Variants in TEK observed in about 807,000 individuals in gnomAD.
TEK encodes the protein TEK receptor tyrosine kinase.
A neutral mutation model predicts 131.8 loss-of-function variants in TEK; 43 were observed. The ratio of observed to expected loss-of-function variants is 0.33; its 90% CI spans 0.26 to 0.42. TEK has a LOEUF of 0.42. Among genes scored for constraint, TEK ranks in the 10% least tolerant of loss-of-function variants. The pLI is 1.00. For synonymous variants in TEK, 580 were observed against 491.6 expected (o/e 1.18, Z -2.38); for missense variants, 1,162 against 1,384.4 (o/e 0.84, Z 2.55).
At chr9:27,114,440 A>G (rs557400660) in intron 1 of TEK, among the ~76,000 whole-genome samples, 1 of 152,212 alleles carries the variant, frequency 6.6e-6, no homozygotes, top group African/African-American at 2.4e-5. Flanking sequence ...GCATGGTGGC[A>G]TGTGCCTGTA....
At chr9:27,137,261 A>G (rs1822495714) in intron 1 of TEK, among the ~76,000 whole-genome samples, 1 of 152,108 alleles carries the variant, frequency 6.6e-6, no homozygotes, top group Non-Finnish European at 1.5e-5. Flanking sequence ...TTTCATATGT[A>G]CCCTATGCAT....
At chr9:27,219,767 T>C (rs1017816124) in intron 20 of TEK, among the ~76,000 whole-genome samples, 2 of 45,176 alleles carry the variant, frequency 4.4e-5, no homozygotes, top group Non-Finnish European at 1.1e-4. Context: ...AAGGTTAATC[T>C]TATTGGTATA....
intron 2 of TEK, among the ~76,000 whole-genome samples, chr9:27,166,450 C>T (rs1172603069): frequency 6.6e-6 from 1 of 152,112 alleles, no homozygotes; most frequent in Admixed American, 6.5e-5. Flanking sequence ...CTTTTTGTTT[C>T]ATGAGCTTTG....
chr9:27,213,595 A>G lies in TEK; in HGVS notation c.2989A>G (p.Met997Val), dbSNP rs200011475. The G allele has an allele frequency of 1.1e-5, 18 of 1,608,678 alleles. No individual in the cohort carries two copies. Among genetic ancestry groups the G allele is most frequent in the Non-Finnish European group, 1.4e-5 (16 of 1,175,180 alleles). ...RGQEVYVKKT[M>V]GRLPVRWMAI... is the part of the protein sequence containing the mutation. Reference sequence around the variant, plus strand: ...TCAAGAGGTGTATGTGAAAAAGACAATGGTAAGTGCCAGACACAGACACTG... The same window carrying G: ...TCAAGAGGTGTATGTGAAAAAGACAGTGGTAAGTGCCAGACACAGACACTG... The change falls in exon 18 of 23, where the codon ATG becomes GTG. Residue 997 changes from methionine to valine, a missense_variant and splice_region_variant. Met to Val is a conservative substitution (Grantham distance 21). Around this residue, in one of 6 missense-constraint regions of TEK, gnomAD observed 107 missense variants for 173.9 expected, o/e 0.62. Transcript: ENST00000380036.
chr9:27,187,054 A>G (rs1186039440), intron 9 of TEK, among the ~76,000 whole-genome samples: 7 of 152,222 alleles, frequency 4.6e-5, no homozygotes, highest in Non-Finnish European at 1.0e-4. Context: ...TATGCAGACA[A>G]GAAAAATTAC....
At chr9:27,151,965 G>A (rs185235761) in intron 1 of TEK, among the ~76,000 whole-genome samples, 21 of 152,244 alleles carry the variant, frequency 1.4e-4, no homozygotes, top group Middle Eastern at 3.4e-3. Flanking sequence ...TCATTGCCAC[G>A]GCCTTAATTC....
intron 1 of TEK, among the ~76,000 whole-genome samples, chr9:27,112,182 A>G (rs905840971): frequency 2.6e-5 from 4 of 152,144 alleles, no homozygotes; most frequent in African/African-American, 9.7e-5. Context: ...TACAGGCATG[A>G]GCCACCACGC....
chr9:27,128,453 T>A (rs995232081), intron 1 of TEK, among the ~76,000 whole-genome samples: 9 of 152,178 alleles, frequency 5.9e-5, no homozygotes, highest in African/African-American at 1.4e-4. Flanking sequence ...TTGTCTTGGC[T>A]ATGCGGGCTC....
At chr9:27,197,836 T>G (rs1825084037) in intron 12 of TEK, among the ~76,000 whole-genome samples, 1 of 152,214 alleles carries the variant, frequency 6.6e-6, no homozygotes, top group South Asian at 2.1e-4. Flanking sequence ...GGTGTGCAGT[T>G]GTTTATTTAG....
intron 1 of TEK, among the ~76,000 whole-genome samples, chr9:27,127,489 A>C (rs548549229): frequency 6.6e-6 from 1 of 152,354 alleles, no homozygotes; most frequent in South Asian, 2.1e-4. Context: ...GTGTATACCC[A>C]GTAATGGGAT....
At chr9:27,113,228 C>T (rs1263140718) in intron 1 of TEK, among the ~76,000 whole-genome samples, 1 of 152,136 alleles carries the variant, frequency 6.6e-6, no homozygotes, top group Non-Finnish European at 1.5e-5. Flanking sequence ...TACCCATTTT[C>T]CAGGGTTGTG....
At chr9:27,163,108 C>T (rs1823605009) in intron 2 of TEK, among the ~76,000 whole-genome samples, 1 of 152,208 alleles carries the variant, frequency 6.6e-6, no homozygotes, top group Non-Finnish European at 1.5e-5. Context: ...GTATTACTAA[C>T]TTAGTCTTTA....
rs140717894 is a variant in TEK at position 27,115,123 on chromosome 9, G to A, written c.52+5481G>A. On this transcript the variant is annotated intron_variant, in intron 1 of 22. Transcript: ENST00000380036. ...AATAGAGATATTACAGCAAATAAAGGTATTTACAAAATCTGAGCTTTTCAA... is the reference window on the plus strand; with the variant it reads ...AATAGAGATATTACAGCAAATAAAGATATTTACAAAATCTGAGCTTTTCAA... Among the ~76,000 whole-genome samples, 1,054 of 152,208 alleles carry A rather than the reference G, an allele frequency of 6.9e-3. 5 individuals are homozygous for A. The highest frequency in any genetic ancestry group is 0.01 in the Non-Finnish European group (708 of 68,002).
At chr9:27,133,948 G>C (rs1822321409) in intron 1 of TEK, among the ~76,000 whole-genome samples, 1 of 152,242 alleles carries the variant, frequency 6.6e-6, no homozygotes, top group East Asian at 1.9e-4. Context: ...TAGGTGTCCT[G>C]TGTGAGGAGT....
chr9:27,228,384 TA>T, intron 22 of TEK, 79 bp downstream of exon 22: 2 of 1,137,320 alleles, frequency 1.8e-6, no homozygotes, highest in Non-Finnish European at 2.6e-6. Context: ...AACATTGAAA[TA>T]ATTGAAGAAG....
rs780250445 is a variant in TEK at position 27,169,647 on chromosome 9, C to A, written c.628+18C>A. Reference sequence around the variant, plus strand: ...AGTCCGGAGTAAGTGATGGAGAGGCCACCATTTGTGATGGTGTAGTTGTTA... The same window carrying A: ...AGTCCGGAGTAAGTGATGGAGAGGCAACCATTTGTGATGGTGTAGTTGTTA... On this transcript the variant is annotated intron_variant, in intron 4 of 22. Coordinates refer to ENST00000380036, the MANE Select transcript of TEK (RefSeq NM_000459.5). The A allele has an allele frequency of 1.9e-6, 3 of 1,613,692 alleles. No individual in the cohort carries two copies. The highest frequency in any genetic ancestry group is 2.7e-5 in the African/African-American group (2 of 74,898).
chr9:27,123,979 G>A (rs1397826924), intron 1 of TEK, among the ~76,000 whole-genome samples: 1 of 152,198 alleles, frequency 6.6e-6, no homozygotes, highest in East Asian at 1.9e-4. Context: ...GTTTCGCCAA[G>A]TTGGTCAGGC....
chr9:27,215,884 T>C (rs10967773), intron 18 of TEK, among the ~76,000 whole-genome samples: 62,570 of 151,940 alleles, frequency 0.41, 14,027 homozygotes, highest in South Asian at 0.58. Context: ...TAAGGAGGGC[T>C]TCCTGGAGGA....
intron 1 of TEK, among the ~76,000 whole-genome samples, chr9:27,152,261 T>G (rs1303755987): frequency 6.6e-6 from 1 of 152,190 alleles, no homozygotes; most frequent in Non-Finnish European, 1.5e-5. Context: ...ACTACAATTC[T>G]GAGGTAGTAA....
Sources: allele counts gnomAD v4.1 joint callset (sites outside exome capture counted in the v4.1 genomes callset), GRCh38; gene constraint gnomAD v4.1.1; regional missense constraint gnomAD v4.1.1; transcripts MANE v1.5; gene names NCBI Gene and HGNC (gene_info 2026-07-23, HGNC 2026-07-21).